COG6: variants seen among roughly 807,000 people sequenced by gnomAD.
The protein encoded by COG6 is conserved oligomeric Golgi complex subunit 6.
Under a neutral mutation model 88.8 loss-of-function variants are expected in COG6, and 74 were observed. The ratio of observed to expected loss-of-function variants is 0.83; its 90% CI spans 0.69 to 1.01. The LOEUF is 1.01. COG6 is among the 50% of genes least tolerant of loss of function. The pLI, the probability that COG6 is intolerant of heterozygous loss-of-function variation, is 0.00. For missense variants in COG6, 800 were observed against 797.9 expected (o/e 1.00, Z -0.03); for synonymous variants, 286 against 278.7 (o/e 1.03, Z -0.26).
intron 13 of COG6, among the ~76,000 whole-genome samples, chr13:39,701,915 AT>A (rs1401239110): frequency 1.3e-5 from 2 of 152,116 alleles, no homozygotes; most frequent in East Asian, 3.9e-4. Flanking sequence ...TCCGTGACAA[AT>A]TAGAAAACAA....
intron 13 of COG6, 82 bp from the exon 14 acceptor site, chr13:39,719,154 T>A: frequency 7.1e-7 from 1 of 1,409,420 alleles, no homozygotes; most frequent in Non-Finnish European, 1.0e-6. Flanking sequence ...CTTTTACATT[T>A]TTTTTTACTA....
At chr13:39,749,614 C>G (rs1011066331) in intron 18 of COG6, among the ~76,000 whole-genome samples, 1 of 152,132 alleles carries the variant, frequency 6.6e-6, no homozygotes, top group Non-Finnish European at 1.5e-5. Flanking sequence ...ATTTCTAGCT[C>G]TAAAGATCAG....
intron 18 of COG6, among the ~76,000 whole-genome samples, chr13:39,774,282 T>C (rs191133906): frequency 6.6e-6 from 1 of 152,310 alleles, no homozygotes; most frequent in East Asian, 1.9e-4. Flanking sequence ...AAAAATCATT[T>C]TTCCCCTAAA....
chr13:39,773,553 G>A (rs73179579), intron 18 of COG6, among the ~76,000 whole-genome samples: 2 of 152,226 alleles, frequency 1.3e-5, no homozygotes, highest in Non-Finnish European at 2.9e-5. Flanking sequence ...TTAGATTGGC[G>A]GCACCCATTT....
intron 18 of COG6, among the ~76,000 whole-genome samples, chr13:39,769,714 G>A (rs1440826979): frequency 6.6e-6 from 1 of 152,140 alleles, no homozygotes; most frequent in East Asian, 1.9e-4. Context: ...AACCCCCAAG[G>A]TAATGGTATT....
intron 12 of COG6, among the ~76,000 whole-genome samples, chr13:39,695,611 CA>C (rs1347217618): frequency 6.6e-6 from 1 of 151,528 alleles, no homozygotes; most frequent in African/African-American, 2.4e-5. Flanking sequence ...TACAGAGTAC[CA>C]AAAAACTGTG....
At chr13:39,709,502 T>G (rs1024908423) in intron 13 of COG6, among the ~76,000 whole-genome samples, 6 of 149,820 alleles carry the variant, frequency 4.0e-5, no homozygotes, top group African/African-American at 1.2e-4. Context: ...TGTGTCCATG[T>G]GTACACATTA....
At chr13:39,721,995 G>A (rs1165641360) in intron 15 of COG6, among the ~76,000 whole-genome samples, 2 of 152,014 alleles carry the variant, frequency 1.3e-5, no homozygotes, top group East Asian at 3.9e-4. Flanking sequence ...CTTTTGCTTA[G>A]TAAAGAGTTC....
At chr13:39,780,042 C>G (rs978391973) in intron 18 of COG6, among the ~76,000 whole-genome samples, 3 of 152,186 alleles carry the variant, frequency 2.0e-5, no homozygotes, top group Middle Eastern at 3.2e-3. Flanking sequence ...AAAATAATTG[C>G]TATCTGCTCC....
intron 1 of COG6, among the ~76,000 whole-genome samples, chr13:39,659,041 A>C (rs565615685): frequency 4.2e-3 from 356 of 85,172 alleles, no homozygotes; most frequent in Middle Eastern, 0.041. Flanking sequence ...TAAGTGCATA[A>C]AGATTTTTTT....
intron 18 of COG6, among the ~76,000 whole-genome samples, chr13:39,783,102 C>G (rs1271621537): frequency 1.3e-5 from 2 of 152,122 alleles, no homozygotes; most frequent in African/African-American, 4.8e-5. Flanking sequence ...ACAATTACTT[C>G]ATTATAGAAG....
chr13:39,666,624 A>T (rs1440057430), intron 4 of COG6, among the ~76,000 whole-genome samples: 1 of 152,176 alleles, frequency 6.6e-6, no homozygotes, highest in Non-Finnish European at 1.5e-5. Context: ...CCTTCTTAAC[A>T]CAATTCTCTT....
chr13:39,676,620 C>T (rs1875982424), intron 4 of COG6, among the ~76,000 whole-genome samples: 1 of 152,054 alleles, frequency 6.6e-6, no homozygotes, highest in Non-Finnish European at 1.5e-5. Flanking sequence ...ATGCATTGTA[C>T]CATCTATACA....
intron 18 of COG6, among the ~76,000 whole-genome samples, chr13:39,744,830 C>T (rs1880251751): frequency 6.6e-6 from 1 of 152,192 alleles, no homozygotes; most frequent in Non-Finnish European, 1.5e-5. Flanking sequence ...CTGGAGGCAT[C>T]ACGCTACCTG....
At chr13:39,658,849 C>A (rs1361173922) in intron 1 of COG6, among the ~76,000 whole-genome samples, 1 of 152,120 alleles carries the variant, frequency 6.6e-6, no homozygotes. Context: ...CTGGAGGATT[C>A]CAGTACTTAT....
intron 6 of COG6, 77 bp downstream of exon 6, chr13:39,679,697 G>T: frequency 1.1e-6 from 1 of 872,768 alleles, no homozygotes; most frequent in East Asian, 2.4e-5. Context: ...GATTGTTTGT[G>T]AACTATATAG....
chr13:39,658,916 G>A (rs1027156427), intron 1 of COG6, among the ~76,000 whole-genome samples: 1 of 152,154 alleles, frequency 6.6e-6, no homozygotes, highest in African/African-American at 2.4e-5. Flanking sequence ...GTGTCAACTA[G>A]GTATACACAA....
intron 18 of COG6, among the ~76,000 whole-genome samples, chr13:39,731,820 T>C (rs1006004317): frequency 8.6e-5 from 13 of 152,022 alleles, no homozygotes; most frequent in Non-Finnish European, 1.9e-4. Context: ...AAAGCAAGTT[T>C]GGGGTAAAAT....
At chr13:39,733,424 T>A (rs1482803233) in intron 18 of COG6, among the ~76,000 whole-genome samples, 1 of 151,902 alleles carries the variant, frequency 6.6e-6, no homozygotes. Flanking sequence ...CTCCTGACCT[T>A]GTGATCTGCC....
Sources: allele counts gnomAD v4.1 joint callset (sites outside exome capture counted in the v4.1 genomes callset), GRCh38; gene constraint gnomAD v4.1.1; transcripts MANE v1.5; gene names NCBI Gene and HGNC (gene_info 2026-07-23, HGNC 2026-07-21).